The following LHFPL3 variants were observed in gnomAD, a reference collection of about 807,000 sequenced individuals.
LHFPL3 encodes LHFPL tetraspan subfamily member 3.
LHFPL3 carries 5 observed loss-of-function variants against 19.3 expected under a neutral mutation model. The observed-to-expected ratio is 0.26, with a 90% CI of 0.14 to 0.54. LHFPL3 has a LOEUF of 0.54. LHFPL3 is among the 20% of genes least tolerant of loss of function. The pLI, the probability that LHFPL3 is intolerant of heterozygous loss-of-function variation, is 0.94. For synonymous variants in LHFPL3, 133 were observed against 126.2 expected (o/e 1.05, Z -0.36); for missense variants, 249 against 307.4 (o/e 0.81, Z 1.42).
At chr7:104,806,475 T>A (rs1441380360) in intron 2 of LHFPL3, among the ~76,000 whole-genome samples, 1 of 152,220 alleles carries the variant, frequency 6.6e-6, no homozygotes, top group East Asian at 1.9e-4. Flanking sequence ...AGTTTTAGAT[T>A]CTGGGAAACA....
In LHFPL3 at chr7:104,906,264, C is replaced by T. The variant is rs377263841; in HGVS notation, c.*49C>T. The T allele has an allele frequency of 8.5e-5, 134 of 1,574,196 alleles. No homozygotes were observed. The highest frequency in any genetic ancestry group is 9.4e-5 in the Non-Finnish European group (109 of 1,153,750). On this transcript the variant is annotated 3_prime_UTR_variant, in exon 3 of 3. Coordinates refer to ENST00000424859, the MANE Select transcript of LHFPL3 (RefSeq NM_199000.3). ...CTAAACAAATCGAATAACAGCTAAACGAATCGAATAACAGCTTTTGTACAT... is the reference window on the plus strand; with the variant it reads ...CTAAACAAATCGAATAACAGCTAAATGAATCGAATAACAGCTTTTGTACAT...
chr7:104,437,036 T>G (rs1383467404), intron 1 of LHFPL3, among the ~76,000 whole-genome samples: 1 of 152,210 alleles, frequency 6.6e-6, no homozygotes, highest in African/African-American at 2.4e-5. Context: ...AGGGATAGAT[T>G]AAGTGCGATT....
At chr7:104,446,800 T>C (rs997621772) in intron 1 of LHFPL3, among the ~76,000 whole-genome samples, 7 of 152,010 alleles carry the variant, frequency 4.6e-5, no homozygotes, top group African/African-American at 1.7e-4. Flanking sequence ...ATGGTCTTGA[T>C]CCTCCCAAAG....
chr7:104,849,129 C>T (rs1253397012), intron 2 of LHFPL3, among the ~76,000 whole-genome samples: 1 of 152,170 alleles, frequency 6.6e-6, no homozygotes, highest in Non-Finnish European at 1.5e-5. Flanking sequence ...TGGGGTTTCA[C>T]TGTGTTGCCC....
Position 104,575,490 on chromosome 7 carries a change from A to T in LHFPL3, c.446-161185A>T, listed in dbSNP as rs565600743. 2.1e-5 allele frequency among the ~76,000 whole-genome samples: 3 copies of T among 142,898 alleles called. No homozygotes were observed. In the South Asian group the frequency reaches 6.9e-4, roughly 33 times the overall value. 93.7% of individuals were successfully genotyped at this position (142,898 alleles called of 152,430 possible). A position where few individuals can be genotyped will look rare whatever the true frequency, so the allele number is the denominator to read the frequency against. ...GTGTTATGTGCAATTTTTATATATTATTGGCAAATAGGCCTATTTTTAATA... is the reference window on the plus strand; with the variant it reads ...GTGTTATGTGCAATTTTTATATATTTTTGGCAAATAGGCCTATTTTTAATA... On this transcript the variant is annotated intron_variant, in intron 1 of 2. Coordinates refer to ENST00000424859, the MANE Select transcript of LHFPL3 (RefSeq NM_199000.3).
intron 1 of LHFPL3, among the ~76,000 whole-genome samples, chr7:104,519,083 C>G (rs1324879966): frequency 6.6e-6 from 1 of 152,142 alleles, no homozygotes; most frequent in East Asian, 1.9e-4. Flanking sequence ...AGGATCGTCA[C>G]TGTTCCCTCT....
intron 1 of LHFPL3, among the ~76,000 whole-genome samples, chr7:104,599,928 C>T (rs1790931579): frequency 6.6e-6 from 1 of 152,080 alleles, no homozygotes; most frequent in South Asian, 2.1e-4. Context: ...TTTTAAAGGC[C>T]CTAAACTTCT....
At chr7:104,767,605 G>A (rs937189015) in intron 2 of LHFPL3, among the ~76,000 whole-genome samples, 11 of 151,982 alleles carry the variant, frequency 7.2e-5, no homozygotes, top group African/African-American at 1.9e-4. Context: ...TTTGTATCTC[G>A]AAGTACTTTC....
At chr7:104,707,385 T>A (rs1793212095) in intron 1 of LHFPL3, among the ~76,000 whole-genome samples, 2 of 152,222 alleles carry the variant, frequency 1.3e-5, no homozygotes, top group Non-Finnish European at 2.9e-5. Flanking sequence ...CTGGTCAAGT[T>A]TGACCTGCAA....
chr7:104,801,131 G>A (rs1473281587), intron 2 of LHFPL3, among the ~76,000 whole-genome samples: 1 of 152,210 alleles, frequency 6.6e-6, no homozygotes, highest in Non-Finnish European at 1.5e-5. Context: ...TAGTCTAGAA[G>A]AGACTTAAGA....
At chr7:104,556,712 T>G (rs758151566) in intron 1 of LHFPL3, among the ~76,000 whole-genome samples, 10 of 152,236 alleles carry the variant, frequency 6.6e-5, no homozygotes, top group Non-Finnish European at 1.5e-4. Flanking sequence ...CTGCAGCCAG[T>G]TTGAATTTCT....
intron 1 of LHFPL3, among the ~76,000 whole-genome samples, chr7:104,355,597 A>G (rs1199572354): frequency 6.6e-6 from 1 of 152,232 alleles, no homozygotes; most frequent in Non-Finnish European, 1.5e-5. Context: ...GTTAAACTAT[A>G]GCTTAGACAT....
At chr7:104,650,867 C>T (rs1792020389) in intron 1 of LHFPL3, among the ~76,000 whole-genome samples, 1 of 152,076 alleles carries the variant, frequency 6.6e-6, no homozygotes, top group Admixed American at 6.6e-5. Context: ...TATGGGGCAT[C>T]ACTAAGAAAC....
intron 2 of LHFPL3, among the ~76,000 whole-genome samples, chr7:104,819,139 C>G (rs1351421641): frequency 6.6e-6 from 1 of 152,086 alleles, no homozygotes; most frequent in Non-Finnish European, 1.5e-5. Flanking sequence ...GTAAATGCAA[C>G]TGAAAATCTT....
chr7:104,692,578 G>T (rs755014867), intron 1 of LHFPL3, among the ~76,000 whole-genome samples: 73 of 152,246 alleles, frequency 4.8e-4, no homozygotes, highest in Non-Finnish European at 7.8e-4. Flanking sequence ...CTTTGTCCCA[G>T]CTGTGGCTAA....
At chr7:104,383,687 T>TA (rs372644638) in intron 1 of LHFPL3, among the ~76,000 whole-genome samples, 36 of 152,346 alleles carry the variant, frequency 2.4e-4, no homozygotes, top group Non-Finnish European at 3.4e-4. Context: ...CTCTTTTTTT[T>TA]AACAGTATTT....
At chr7:104,851,420 G>T (rs1791412637) in intron 2 of LHFPL3, among the ~76,000 whole-genome samples, 1 of 152,122 alleles carries the variant, frequency 6.6e-6, no homozygotes, top group African/African-American at 2.4e-5. Flanking sequence ...TTCCTTCTTG[G>T]AGAGTTGGAG....
At chr7:104,779,048 A>G (rs1794678226) in intron 2 of LHFPL3, among the ~76,000 whole-genome samples, 1 of 152,208 alleles carries the variant, frequency 6.6e-6, no homozygotes. Flanking sequence ...AGCCATTATC[A>G]CATGTATTAT....
intron 1 of LHFPL3, among the ~76,000 whole-genome samples, chr7:104,444,552 T>G (rs1792290768): frequency 6.6e-6 from 1 of 152,364 alleles, no homozygotes; most frequent in East Asian, 1.9e-4. Context: ...AACCTAGCAT[T>G]GTTCTTTTCC....
Sources: allele counts gnomAD v4.1 joint callset (sites outside exome capture counted in the v4.1 genomes callset), GRCh38; gene constraint gnomAD v4.1.1; transcripts MANE v1.5; gene names NCBI Gene and HGNC (gene_info 2026-07-23, HGNC 2026-07-21).